The following THSD7B variants were observed in gnomAD, a reference collection of about 807,000 sequenced individuals.
The protein encoded by THSD7B is thrombospondin type 1 domain containing 7B.
THSD7B carries 138 observed loss-of-function variants against 213.6 expected under a neutral mutation model. That is an observed-to-expected ratio of 0.65 (90% CI 0.56 to 0.74). The LOEUF is 0.74. THSD7B is among the 30% of genes least tolerant of loss of function. The probability of loss-of-function intolerance (pLI) is 0.00; values close to 1 mark genes in which losing one functional copy is unlikely to be tolerated. For missense variants in THSD7B, 1,931 were observed against 1,991.5 expected (o/e 0.97, Z 0.58); for synonymous variants, 742 against 687.0 (o/e 1.08, Z -1.25).
chr2:137,497,516 A>C (rs186966691), intron 15 of THSD7B, among the ~76,000 whole-genome samples: 2 of 152,250 alleles, frequency 1.3e-5, no homozygotes, highest in African/African-American at 4.8e-5. Flanking sequence ...AATTGCATAC[A>C]AGCTTTCCAA....
intron 2 of THSD7B, among the ~76,000 whole-genome samples, chr2:136,988,093 C>T (rs555953): frequency 0.49 from 73,844 of 151,950 alleles, 19,300 homozygotes; most frequent in Non-Finnish European, 0.59. Flanking sequence ...CACCACAATC[C>T]GGTTTTAGAA....
intron 15 of THSD7B, among the ~76,000 whole-genome samples, chr2:137,472,784 A>AATGTACTTTTTGTACTTTTTATATTC (rs1688117795): frequency 6.6e-6 from 1 of 152,210 alleles, no homozygotes; most frequent in Non-Finnish European, 1.5e-5. Context: ...AATCATAACA[A>AATGTACTTTTTGTACTTTTTATATTC]TGTACTTTTT....
rs549331860 is a variant in THSD7B, at chr2:137,140,424, A to G, written c.1370-19789A>G. 2.0e-5 allele frequency among the ~76,000 whole-genome samples: 3 copies of G among 152,246 alleles called. 1 individual carries two copies. The highest frequency in any genetic ancestry group is 7.2e-5 in the African/African-American group (3 of 41,572). ...CTTTCTATGCCTTTGTTCAAATGTC[A>G]ATATTTTACTATGTTTCCTTGAAAT... On this transcript the variant is annotated intron_variant, in intron 5 of 27. Coordinates refer to ENST00000409968, the MANE Select transcript of THSD7B (RefSeq NM_001316349.2).
chr2:137,142,026 T>G (rs1679598056), intron 5 of THSD7B, among the ~76,000 whole-genome samples: 2 of 152,178 alleles, frequency 1.3e-5, no homozygotes, highest in South Asian at 4.1e-4. Context: ...AAACAATATT[T>G]CAACAACATT....
chr2:137,659,398 C>G (rs141488479), intron 24 of THSD7B, among the ~76,000 whole-genome samples: 1 of 152,094 alleles, frequency 6.6e-6, no homozygotes, highest in African/African-American at 2.4e-5. Flanking sequence ...ACTTTGTGCT[C>G]AAGCATAGCC....
intron 12 of THSD7B, among the ~76,000 whole-genome samples, chr2:137,341,333 T>A (rs1684756741): frequency 6.6e-6 from 1 of 151,608 alleles, no homozygotes; most frequent in Non-Finnish European, 1.5e-5. Flanking sequence ...TTATATATAT[T>A]GAATATTAAC....
intron 1 of THSD7B, among the ~76,000 whole-genome samples, chr2:136,771,093 G>C (rs969977719): frequency 6.6e-6 from 1 of 151,950 alleles, no homozygotes; most frequent in Non-Finnish European, 1.5e-5. Flanking sequence ...GTTCAACAAG[G>C]CTTCTTTCTT....
rs374300952 is a variant in THSD7B, at chr2:137,382,788, A to G, written c.2501-22825A>G. ...CTTGGGATCTGTAGTCCTAATGCAC[A>G]ATAAGGCCATGGGGTCTGAGGCACC... On this transcript the variant is annotated intron_variant, in intron 12 of 27. Coordinates refer to ENST00000409968, the MANE Select transcript of THSD7B (RefSeq NM_001316349.2). Among the ~76,000 whole-genome samples the G allele has an allele frequency of 6.6e-5, 10 of 152,272 alleles. No individual in the cohort carries two copies. The East Asian group carries it at 1.9e-3, about 30-fold the overall frequency.
chr2:137,256,774 A>G (rs1412599838), intron 10 of THSD7B, among the ~76,000 whole-genome samples: 1 of 152,236 alleles, frequency 6.6e-6, no homozygotes, highest in East Asian at 1.9e-4. Context: ...CCATTCAATT[A>G]TCTGGGCAAG....
intron 5 of THSD7B, among the ~76,000 whole-genome samples, chr2:137,123,194 C>A (rs1355792229): frequency 6.6e-6 from 1 of 152,052 alleles, no homozygotes; most frequent in Non-Finnish European, 1.5e-5. Flanking sequence ...TTGGATGAAA[C>A]ACCATGTCGT....
intron 2 of THSD7B, among the ~76,000 whole-genome samples, chr2:136,931,005 AC>A (rs1269775681): frequency 6.6e-6 from 1 of 151,950 alleles, no homozygotes; most frequent in Non-Finnish European, 1.5e-5. Context: ...CTTTCCCAGA[AC>A]TTTTTTTCCT....
chr2:136,826,536 GC>G (rs1321551728), intron 1 of THSD7B, among the ~76,000 whole-genome samples: 1 of 152,134 alleles, frequency 6.6e-6, no homozygotes, highest in Non-Finnish European at 1.5e-5. Flanking sequence ...CCGGCTTCAG[GC>G]TCTTTCTTCT....
chr2:137,657,029 G>A (rs1200712280), intron 23 of THSD7B, 36 bp from the exon 24 acceptor site: 1 of 1,612,942 alleles, frequency 6.2e-7, no homozygotes, highest in Admixed American at 1.7e-5. Context: ...TCTAAGTGAG[G>A]TGTAATAGAA....
At chr2:137,136,064 A>G (rs561540683) in intron 5 of THSD7B, among the ~76,000 whole-genome samples, 10 of 152,276 alleles carry the variant, frequency 6.6e-5, no homozygotes, top group African/African-American at 2.4e-4. Context: ...AGGAAATTAA[A>G]CACCACATGT....
At chr2:137,097,569 C>A (rs1403195088) in intron 4 of THSD7B, among the ~76,000 whole-genome samples, 3 of 152,008 alleles carry the variant, frequency 2.0e-5, no homozygotes, top group Non-Finnish European at 2.9e-5. Context: ...GGTATACCTA[C>A]TAATATACAT....
At position 136,902,300 on chromosome 2, in the gene THSD7B, T is replaced by C. The variant is rs73957705; in HGVS notation, c.139+19983T>C. Among the ~76,000 whole-genome samples the C allele has an allele frequency of 9.3e-3, 1,413 of 152,324 alleles. 23 individuals carry two copies. Among genetic ancestry groups the C allele is most frequent in the African/African-American group, 0.032 (1,322 of 41,572 alleles). Reference sequence around the variant, plus strand: ...TGATGTCAGAACTGACACCGGAGATTAGCGAAAAGTACAATTTATGTTTTA... The same window carrying C: ...TGATGTCAGAACTGACACCGGAGATCAGCGAAAAGTACAATTTATGTTTTA... On this transcript the variant is annotated intron_variant, in intron 2 of 27. Transcript: ENST00000409968.
intron 14 of THSD7B, among the ~76,000 whole-genome samples, chr2:137,427,726 A>G (rs952994211): frequency 6.6e-6 from 1 of 152,132 alleles, no homozygotes; most frequent in Non-Finnish European, 1.5e-5. Context: ...ACTTGCAGTA[A>G]TGAGATGAAT....
At chr2:137,276,839 C>A (rs1008469050) in intron 12 of THSD7B, among the ~76,000 whole-genome samples, 1 of 151,994 alleles carries the variant, frequency 6.6e-6, no homozygotes, top group East Asian at 1.9e-4. Context: ...TTAAGTTTCT[C>A]TTTTTGTTAC....
chr2:137,287,278 T>C (rs531128517), intron 12 of THSD7B, among the ~76,000 whole-genome samples: 549 of 152,170 alleles, frequency 3.6e-3, no homozygotes, highest in Admixed American at 6.0e-3. Flanking sequence ...GAAAGGAAGA[T>C]CAGGTTAAAA....
Sources: gnomAD v4.1 joint callset for allele counts (sites outside exome capture counted in the v4.1 genomes callset) on GRCh38, gnomAD v4.1.1 for gene constraint, MANE v1.5 for transcripts, NCBI Gene and HGNC (gene_info 2026-07-23, HGNC 2026-07-21) for gene names.